The following CALN1 variants were observed in gnomAD, a reference collection of about 807,000 sequenced individuals.
CALN1 encodes the protein calneuron 1, also known as calcium-binding protein 8.
In CALN1, 17 loss-of-function variants were observed where a neutral mutation model predicts 30.6. The ratio of observed to expected loss-of-function variants is 0.56; its 90% confidence interval spans 0.38 to 0.83. The LOEUF is 0.83. Among genes scored for constraint, CALN1 ranks in the 40% least tolerant of loss-of-function variants. CALN1 has a pLI of 0.00. For missense variants in CALN1, 291 were observed against 354.9 expected (o/e 0.82, Z 1.45); for synonymous variants, 156 against 131.4 (o/e 1.19, Z -1.28).
chr7:72,353,743 G>C (rs1354671033), intron 2 of CALN1, among the ~76,000 whole-genome samples: 2 of 152,116 alleles, frequency 1.3e-5, no homozygotes, highest in Admixed American at 6.5e-5. Flanking sequence ...ATCCCGATTG[G>C]TAAGTAAGAA....
chr7:72,052,741 A>AC (rs1022151990), intron 4 of CALN1, among the ~76,000 whole-genome samples: 1 of 151,930 alleles, frequency 6.6e-6, no homozygotes, highest in East Asian at 1.9e-4. Context: ...ATGACAACTC[A>AC]CCCCGTCTCA....
chr7:72,347,480 G>T (rs920260493), intron 2 of CALN1, among the ~76,000 whole-genome samples: 1 of 151,972 alleles, frequency 6.6e-6, no homozygotes, highest in South Asian at 2.1e-4. Flanking sequence ...CGGTCAGGCT[G>T]GTCTCCAACT....
intron 2 of CALN1, among the ~76,000 whole-genome samples, chr7:72,342,502 A>C (rs944429288): frequency 2.6e-5 from 4 of 152,208 alleles, no homozygotes; most frequent in Admixed American, 2.0e-4. Flanking sequence ...TGGAGGCTAA[A>C]CTCAACATGG....
At chr7:72,320,135 T>TA (rs1229787632) in intron 2 of CALN1, among the ~76,000 whole-genome samples, 1 of 151,564 alleles carries the variant, frequency 6.6e-6, no homozygotes, top group Non-Finnish European at 1.5e-5. Flanking sequence ...CTCCATCTCA[T>TA]AAAAAAACAA....
At chr7:71,986,491 C>A (rs1798680346) in intron 5 of CALN1, among the ~76,000 whole-genome samples, 1 of 152,212 alleles carries the variant, frequency 6.6e-6, no homozygotes, top group South Asian at 2.1e-4. Flanking sequence ...CAGAAACTGG[C>A]TGAGCAGAAT....
At chr7:71,951,540 G>A (rs10950288) in intron 5 of CALN1, among the ~76,000 whole-genome samples, 96,256 of 151,988 alleles carry the variant, frequency 0.63, 31,180 homozygotes, top group East Asian at 0.84. Context: ...GCAGTGAGTC[G>A]AGATCATGCC....
intron 5 of CALN1, among the ~76,000 whole-genome samples, chr7:71,993,835 C>T (rs905337222): frequency 1.3e-5 from 2 of 152,060 alleles, no homozygotes; most frequent in Non-Finnish European, 2.9e-5. Flanking sequence ...AGACACGATA[C>T]GCTAAACAAA....
At chr7:72,019,360 T>C (rs844793) in intron 5 of CALN1, among the ~76,000 whole-genome samples, 35,369 of 152,040 alleles carry the variant, frequency 0.23, 5,652 homozygotes, top group African/African-American at 0.44. Flanking sequence ...GCCTCCAAAG[T>C]GATCCACAAT....
At chr7:72,374,223 ATTC>A (rs1233264812) in intron 2 of CALN1, among the ~76,000 whole-genome samples, 5 of 152,224 alleles carry the variant, frequency 3.3e-5, no homozygotes, top group African/African-American at 1.2e-4. Context: ...TTAATAGACT[ATTC>A]TTCTATTGAA....
At chr7:71,994,470 C>T (rs1799135630) in intron 5 of CALN1, among the ~76,000 whole-genome samples, 2 of 148,638 alleles carry the variant, frequency 1.3e-5, no homozygotes, top group Admixed American at 1.3e-4. Context: ...CGAGATCGTG[C>T]CACTGCACTC....
Position 71,790,261 on chromosome 7 carries a change from A to C in CALN1, c.659-2359T>G, listed in dbSNP as rs113984352. On this transcript the variant is annotated intron_variant, in intron 6 of 6. Transcript: ENST00000395275. ...TGAAAGAAAGGAAGGAAGAAGAAAG[A>C]AAGCAAGAAAGCAAGCAAGAAAGAA... is the stretch of plus-strand genomic sequence containing the variant. Among the ~76,000 whole-genome samples, 968 of 151,418 alleles carry C rather than the reference A, an allele frequency of 6.4e-3. 9 individuals are homozygous for C. Among genetic ancestry groups the C allele is most frequent in the Non-Finnish European group, 0.01 (686 of 67,844 alleles).
At chr7:72,110,393 T>TG (rs1367055581) in intron 3 of CALN1, among the ~76,000 whole-genome samples, 2 of 152,222 alleles carry the variant, frequency 1.3e-5, no homozygotes, top group Non-Finnish European at 2.9e-5. Flanking sequence ...TAAAGGGACC[T>TG]GCTCCTTCGA....
chr7:72,426,565 T>C (rs566931915), intron 1 of CALN1, among the ~76,000 whole-genome samples: 1 of 152,334 alleles, frequency 6.6e-6, no homozygotes, highest in African/African-American at 2.4e-5. Context: ...CTTTCCTTTA[T>C]AAATTACACA....
At chr7:72,123,836 C>T (rs952991897) in intron 3 of CALN1, among the ~76,000 whole-genome samples, 1 of 152,190 alleles carries the variant, frequency 6.6e-6, no homozygotes, top group African/African-American at 2.4e-5. Flanking sequence ...TGCCGACTCT[C>T]TCATTTTGTT....
At chr7:72,260,201 G>GA (rs1796172499) in intron 3 of CALN1, among the ~76,000 whole-genome samples, 1 of 152,050 alleles carries the variant, frequency 6.6e-6, no homozygotes, top group Non-Finnish European at 1.5e-5. Context: ...TCTGTTTCTG[G>GA]AAAAAATAAA....
the CALN1 span, among the ~76,000 whole-genome samples, chr7:72,478,265 C>T: frequency 3.4e-5 from 5 of 145,412 alleles, no homozygotes; most frequent in African/African-American, 1.3e-4. Context: ...ATATATATTG[C>T]CACTGCAATA....
intron 4 of CALN1, among the ~76,000 whole-genome samples, chr7:72,046,283 G>A (rs186050393): frequency 4.6e-5 from 7 of 152,128 alleles, no homozygotes; most frequent in East Asian, 1.9e-4. Context: ...TGCCCAGGCC[G>A]GAGTGCAGTG....
intron 5 of CALN1, among the ~76,000 whole-genome samples, chr7:71,879,330 A>G (rs1379497624): frequency 6.6e-6 from 1 of 152,170 alleles, no homozygotes; most frequent in Non-Finnish European, 1.5e-5. Context: ...GAGTTTCAAC[A>G]CCCTAGATAG....
At chr7:72,159,670 C>T (rs953368590) in intron 3 of CALN1, among the ~76,000 whole-genome samples, 3 of 151,468 alleles carry the variant, frequency 2.0e-5, no homozygotes, top group East Asian at 2.0e-4. Flanking sequence ...TGGTGGTGGG[C>T]GCCTGTGATC....
Sources: gnomAD v4.1 joint callset for allele counts (sites outside exome capture counted in the v4.1 genomes callset) on GRCh38, gnomAD v4.1.1 for gene constraint, MANE v1.5 for transcripts, NCBI Gene and HGNC (gene_info 2026-07-23, HGNC 2026-07-21) for gene names.